The following CFAP65 variants were observed in gnomAD, a reference collection of about 807,000 sequenced individuals.
CFAP65 encodes the protein cilia- and flagella-associated protein 65.
CFAP65 carries 155 observed loss-of-function variants against 208.0 expected under a neutral mutation model. The observed-to-expected ratio is 0.75, with a 90% CI of 0.65 to 0.85. CFAP65 has a LOEUF of 0.85. Among genes scored for constraint, CFAP65 ranks in the 40% least tolerant of loss-of-function variants. The probability of loss-of-function intolerance (pLI) is 0.00; values close to 1 mark genes in which losing one functional copy is unlikely to be tolerated. For missense variants in CFAP65, 2,294 were observed against 2,451.3 expected, an observed-to-expected ratio of 0.94 and a Z score of 1.36; for synonymous variants, 970 against 986.3, an observed-to-expected ratio of 0.98 and a Z score of 0.31.
chr2:219,007,225 G>C (rs77731563), intron 29 of CFAP65, among the ~76,000 whole-genome samples: 14,275 of 150,434 alleles, frequency 0.095, 2,238 homozygotes, highest in African/African-American at 0.33. Flanking sequence ...CCAGGTTGGA[G>C]TGGAGTGACC....
intron 29 of CFAP65, among the ~76,000 whole-genome samples, chr2:219,007,921 C>T (rs537408157): frequency 2.0e-5 from 3 of 151,554 alleles, no homozygotes; most frequent in Admixed American, 6.6e-5. Context: ...CGGGTTCAAG[C>T]GATTCTCATG....
At chr2:219,017,072 AC>A (rs1000883562) in intron 21 of CFAP65, among the ~76,000 whole-genome samples, 1 of 152,046 alleles carries the variant, frequency 6.6e-6, no homozygotes, top group Non-Finnish European at 1.5e-5. Context: ...AGCACATATG[AC>A]CCCGCAACAG....
intron 14 of CFAP65, among the ~76,000 whole-genome samples, chr2:219,025,551 A>G (rs974434292): frequency 6.6e-6 from 1 of 152,040 alleles, no homozygotes; most frequent in Non-Finnish European, 1.5e-5. Context: ...CAGGGCTTCT[A>G]AGGGCCTTGG....
Position 219,019,730 on chromosome 2 carries a change from G to A in CFAP65, c.3260-11C>T. 1.9e-6 allele frequency: 3 copies of A among 1,611,236 alleles called. No homozygotes were observed. Among genetic ancestry groups the A allele is most frequent in the Middle Eastern group, 1.7e-4 (1 of 5,942 alleles). ...CCCCAGCCTTGTTATCTGGGGAGGG[G>A]GGTGAGGAAGACAGAAGTGGGCTTG... On this transcript the variant is annotated splice_polypyrimidine_tract_variant and intron_variant, in intron 19 of 34. Coordinates refer to ENST00000341552, the MANE Select transcript of CFAP65 (RefSeq NM_194302.4).
Position 219,032,362 on chromosome 2 carries a change from C to A in CFAP65, c.645+108G>T. On this transcript the variant is annotated intron_variant, in intron 6 of 34. Transcript: ENST00000341552. The surrounding 1 kb of genome is among the most constrained non-coding windows in gnomAD (Gnocchi z 5.5). Reference sequence around the variant, plus strand: ...CAAGCTGGATTGCTGCTGGAGCGGGCAGCATGTGTGTGTGCCGGGGCGCTC... The same window carrying A: ...CAAGCTGGATTGCTGCTGGAGCGGGAAGCATGTGTGTGTGCCGGGGCGCTC... 4 of 900,120 alleles carry A rather than the reference C, an allele frequency of 4.4e-6. No homozygotes were observed. The highest frequency in any genetic ancestry group is 2.5e-5 in the Admixed American group (1 of 39,826). 55.8% of individuals were successfully genotyped at this position (900,120 alleles called of 1,614,324 possible).
intron 9 of CFAP65, 124 bp downstream of exon 9, chr2:219,030,565 G>T (rs1947946991): frequency 1.5e-6 from 2 of 1,295,376 alleles, no homozygotes; most frequent in African/African-American, 1.5e-5. Context: ...CAGCTGACAT[G>T]GGTTACATGA....
In CFAP65 at chr2:219,004,926, TCTC is replaced by T. The variant is rs1262838077; in HGVS notation, c.5052-474_5052-472del. ...TTCTCTCTTTCTTTCTCTCTCTTTC[TCTC>T]CTCTTTTTTCTTTCTTTCTTTCTTT... On this transcript the variant is annotated intron_variant, in intron 32 of 34. Transcript: ENST00000341552. This position sits in a 1 kb window ranked among gnomAD's most constrained non-coding sequence, Gnocchi z 4.7. Among the ~76,000 whole-genome samples the T allele has an allele frequency of 6.6e-6, 1 of 151,434 alleles. No individual in the cohort carries two copies. Among genetic ancestry groups the T allele is most frequent in the Non-Finnish European group, 1.5e-5 (1 of 67,988 alleles).
chr2:219,025,934 C>T, intron 14 of CFAP65, 88 bp downstream of exon 14: 1 of 1,508,686 alleles, frequency 6.6e-7, no homozygotes, highest in South Asian at 1.2e-5. Context: ...TTTCTGAGGC[C>T]ATCAGAGAAT....
intron 10 of CFAP65, 144 bp from the exon 11 acceptor site, chr2:219,029,812 G>C: frequency 8.5e-7 from 1 of 1,173,722 alleles, no homozygotes; most frequent in Non-Finnish European, 1.2e-6. Flanking sequence ...GGATGCCAGT[G>C]GGACTGGGAT....
At chr2:219,013,029 T>G (rs1946589511) in intron 24 of CFAP65, among the ~76,000 whole-genome samples, 1 of 152,188 alleles carries the variant, frequency 6.6e-6, no homozygotes, top group Non-Finnish European at 1.5e-5. Flanking sequence ...AAATCCTCAT[T>G]TTTTAATTGG....
At position 219,005,448 on chromosome 2, in the gene CFAP65, G is replaced by A. The variant is rs202111019; in HGVS notation, c.5037C>T (p.Leu1679=). 2 of 1,613,858 alleles carry A rather than the reference G, an allele frequency of 1.2e-6. No homozygotes were observed. The highest frequency in any genetic ancestry group is 2.2e-5 in the East Asian group (1 of 44,872). ...TGAGCTGGTACCTGATTATTGTGGT[G>A]AGAATGTCAACCAGGAGCTGCTTCT... The part of the protein sequence containing the change: ...KQKKQLLVDI[L]TTIIRGLLED... The change falls in exon 32 of 35, where the codon CTC becomes CTT. Residue 1679 remains leucine, a synonymous_variant. Coordinates refer to ENST00000341552, the MANE Select transcript of CFAP65 (RefSeq NM_194302.4).
chr2:219,009,619 AATGGGATGGG>A (rs58969836), intron 27 of CFAP65, among the ~76,000 whole-genome samples, 159 bp from the exon 28 acceptor site: 13 of 101,226 alleles, frequency 1.3e-4, no homozygotes, highest in African/African-American at 3.9e-4. Flanking sequence ...GACAAGATGG[AATGGGATGGG>A]ATGGGATGGG....
rs763548630 is a variant in CFAP65, at chr2:219,010,862, T to A, written c.4092A>T (p.Pro1364=). 6.2e-7 allele frequency: 1 copy of A among 1,613,630 alleles called. No individual in the cohort carries two copies. The highest frequency in any genetic ancestry group is 1.1e-5 in the South Asian group (1 of 91,060). ...CCLNPKGEIQ[P]GSTARVLWIF... is the part of the protein sequence containing the mutation. Reference sequence around the variant, plus strand: ...TCCACAAGACCCGGGCAGTGCTGCCTGGCTGGATCTCCCCTTTGGGGTTGA... The same window carrying A: ...TCCACAAGACCCGGGCAGTGCTGCCAGGCTGGATCTCCCCTTTGGGGTTGA... Residue 1364 remains proline (P), a synonymous_variant, in exon 25 of 35, where the codon CCA becomes CCT. Transcript: ENST00000341552.
In CFAP65 at chr2:219,031,184, C is replaced by G. The variant is rs555591116; in HGVS notation, c.937G>C (p.Val313Leu). The change falls in exon 8 of 35, where the codon GTC becomes CTC. Residue 313 changes from valine (V) to leucine (L), a missense_variant. This residue lies in a region of CFAP65 where 867 missense variants were observed against 1,012.6 expected (regional missense o/e 0.86). Transcript: ENST00000341552. This position sits in a 1 kb window ranked among gnomAD's most constrained non-coding sequence, Gnocchi z 5.2. ...IKVTFQPLTA[V>L]IYEVQATCWY... ...CACGTGGCCTGCACCTCGTAGATGA[C>G]GGCTGTAAGGGGCTGAAAGGTCACC... 2 of 1,612,232 alleles carry G rather than the reference C, an allele frequency of 1.2e-6. No homozygotes were observed. The highest frequency in any genetic ancestry group is 1.7e-6 in the Non-Finnish European group (2 of 1,179,384).
intron 14 of CFAP65, among the ~76,000 whole-genome samples, chr2:219,024,477 G>C (rs921314639): frequency 1.6e-5 from 2 of 125,976 alleles, no homozygotes; most frequent in Non-Finnish European, 3.2e-5. Context: ...GAAAGGGGCG[G>C]GGGGGGGGCA....
chr2:219,026,705 G>T, intron 13 of CFAP65: 1 of 829,506 alleles, frequency 1.2e-6, no homozygotes, highest in Non-Finnish European at 1.5e-6. Context: ...CGTCTCAATT[G>T]GGACCAGCCA....
At chr2:219,007,895 T>G (rs915142787) in intron 29 of CFAP65, among the ~76,000 whole-genome samples, 5 of 151,932 alleles carry the variant, frequency 3.3e-5, no homozygotes, top group African/African-American at 1.2e-4. Flanking sequence ...CTCCGCTCAC[T>G]GCAACCTCCG....
chr2:219,035,688 G>A, intron 4 of CFAP65, 24 bp from the exon 5 acceptor site: 1 of 1,595,132 alleles, frequency 6.3e-7, no homozygotes, highest in Non-Finnish European at 8.6e-7. Flanking sequence ...AGGGAGAAGG[G>A]GGAGCAGAAA....
Position 219,024,116 on chromosome 2 carries a change from C to A in CFAP65, c.2494G>T (p.Gly832Trp). The stretch of plus-strand genomic sequence containing the variant: ...CAGATGAGGATGATCTGGTGGGCCC[C>A]GGGTGCCACAAGGCCCGAAGTGGGC... ...LRPTSGLVAP[G>W]AHQIILICTY... Residue 832 changes from glycine (G) to tryptophan (W), a missense_variant, in exon 15 of 35, where the codon GGG becomes TGG. Coordinates refer to ENST00000341552, the MANE Select transcript of CFAP65 (RefSeq NM_194302.4). 6.2e-7 allele frequency: 1 copy of A among 1,614,026 alleles called. No homozygotes were observed. Among genetic ancestry groups the A allele is most frequent in the Non-Finnish European group, 8.5e-7 (1 of 1,180,030 alleles).
Sources: allele counts gnomAD v4.1 joint callset (sites outside exome capture counted in the v4.1 genomes callset), GRCh38; gene constraint gnomAD v4.1.1; regional missense constraint gnomAD v4.1.1; non-coding constraint Gnocchi (gnomAD v3.1); transcripts MANE v1.5; gene names NCBI Gene and HGNC (gene_info 2026-07-23, HGNC 2026-07-21).